Variants in NCKAP5 observed in about 807,000 individuals in gnomAD.
The protein encoded by NCKAP5 is nck-associated protein 5.
Under a neutral mutation model 167.0 loss-of-function variants are expected in NCKAP5, and 92 were observed. That is an observed-to-expected ratio of 0.55 (90% CI 0.47 to 0.66). NCKAP5 has a LOEUF of 0.66. Among genes scored for constraint, NCKAP5 ranks in the 30% least tolerant of loss-of-function variants. The pLI is 0.00. For missense variants in NCKAP5, 2,378 were observed against 2,315.0 expected (o/e 1.03, Z -0.56); for synonymous variants, 891 against 877.4 (o/e 1.02, Z -0.27).
At chr2:133,124,650 AT>A (rs1335542013) in intron 6 of NCKAP5, among the ~76,000 whole-genome samples, 21 of 152,330 alleles carry the variant, frequency 1.4e-4, no homozygotes, top group African/African-American at 4.8e-4. Flanking sequence ...TTGTTCATAT[AT>A]GTACGTAAGA....
rs113363522 is a variant in NCKAP5 at position 133,289,685 on chromosome 2, C to T, written c.143+13352G>A. ...CAGCCTGGGCAACAGAACAAGAGTC[C>T]GTCTCCAAAAAAAATAAAAACAAAC... On this transcript the variant is annotated intron_variant, in intron 4 of 19. Coordinates refer to ENST00000409261, the MANE Select transcript of NCKAP5 (RefSeq NM_207363.3). Among the ~76,000 whole-genome samples the T allele has an allele frequency of 5.2e-3, 781 of 151,058 alleles. 8 individuals are homozygous for T. Among genetic ancestry groups the T allele is most frequent in the African/African-American group, 0.017 (712 of 41,132 alleles).
chr2:132,703,145 C>T (rs1343191808), intron 19 of NCKAP5, among the ~76,000 whole-genome samples: 5 of 152,114 alleles, frequency 3.3e-5, no homozygotes, highest in African/African-American at 1.2e-4. Context: ...CATACTAGTA[C>T]ACTCTAGCCT....
chr2:133,383,788 T>A (rs1686711030), intron 3 of NCKAP5, among the ~76,000 whole-genome samples: 1 of 152,180 alleles, frequency 6.6e-6, no homozygotes, highest in African/African-American at 2.4e-5. Flanking sequence ...CTCATTGTGG[T>A]TTTGATTTGC....
the NCKAP5 span, among the ~76,000 whole-genome samples, chr2:133,608,674 A>T: frequency 6.2e-4 from 95 of 152,318 alleles, 2 homozygotes; most frequent in East Asian, 0.016. Flanking sequence ...AGCCTCAATA[A>T]TCAATAATAG....
At chr2:133,055,939 A>G in intron 6 of NCKAP5, among the ~76,000 whole-genome samples, 1 of 152,178 alleles carries the variant, frequency 6.6e-6, no homozygotes, top group East Asian at 1.9e-4. Flanking sequence ...GGGAACAATA[A>G]ATGCTTTCTT....
intron 6 of NCKAP5, among the ~76,000 whole-genome samples, chr2:133,074,791 C>G (rs773971226): frequency 1.5e-4 from 23 of 152,008 alleles, no homozygotes; most frequent in Non-Finnish European, 2.2e-4. Context: ...TAGAAATTAC[C>G]AATTTAAACA....
chr2:132,958,284 A>T (rs2076401519), intron 8 of NCKAP5, among the ~76,000 whole-genome samples: 1 of 152,188 alleles, frequency 6.6e-6, no homozygotes, highest in Admixed American at 6.5e-5. Context: ...GTCCAATAAC[A>T]TTAATATGGT....
At chr2:132,918,812 A>G (rs1695086716) in intron 8 of NCKAP5, among the ~76,000 whole-genome samples, 1 of 152,252 alleles carries the variant, frequency 6.6e-6, no homozygotes, top group Non-Finnish European at 1.5e-5. Context: ...AGCCATGAAA[A>G]GAAATTGCTT....
intron 15 of NCKAP5, among the ~76,000 whole-genome samples, chr2:132,775,668 C>T (rs573816179): frequency 6.6e-6 from 1 of 152,298 alleles, no homozygotes; most frequent in Admixed American, 6.5e-5. Context: ...ACTTATTTGC[C>T]TTCCAAGGTT....
intron 2 of NCKAP5, among the ~76,000 whole-genome samples, chr2:133,518,825 A>G (rs1296895329): frequency 6.6e-6 from 1 of 152,208 alleles, no homozygotes; most frequent in Admixed American, 6.5e-5. Context: ...TTACCCACAG[A>G]TTACATTTAA....
intron 19 of NCKAP5, among the ~76,000 whole-genome samples, chr2:132,707,961 G>A (rs1688515175): frequency 1.3e-5 from 2 of 152,044 alleles, no homozygotes; most frequent in South Asian, 4.2e-4. Flanking sequence ...ATACTGAAGG[G>A]AACCCCCTGT....
At chr2:133,239,101 AAATT>A (rs1417413646) in intron 4 of NCKAP5, among the ~76,000 whole-genome samples, 3 of 152,238 alleles carry the variant, frequency 2.0e-5, no homozygotes, top group East Asian at 3.8e-4. Context: ...CTTGCCAATC[AAATT>A]AATTAGCCAA....
chr2:133,146,820 G>T (rs2083214395), intron 5 of NCKAP5, among the ~76,000 whole-genome samples: 1 of 152,040 alleles, frequency 6.6e-6, no homozygotes, highest in African/African-American at 2.4e-5. Flanking sequence ...AAAGAGAAAA[G>T]CCCTCACGTG....
At chr2:133,385,273 T>C (rs1157039040) in intron 3 of NCKAP5, among the ~76,000 whole-genome samples, 1 of 152,240 alleles carries the variant, frequency 6.6e-6, no homozygotes, top group Non-Finnish European at 1.5e-5. Flanking sequence ...TTGAATTTTG[T>C]CAAAGGCCTT....
intron 15 of NCKAP5, among the ~76,000 whole-genome samples, chr2:132,778,594 G>A (rs10496694): frequency 0.06 from 9,085 of 152,212 alleles, 360 homozygotes; most frequent in Non-Finnish European, 0.086. Context: ...TTTAGAAAAA[G>A]AGTGTGATAC....
At chr2:133,027,526 G>A (rs2078739457) in intron 6 of NCKAP5, among the ~76,000 whole-genome samples, 1 of 152,172 alleles carries the variant, frequency 6.6e-6, no homozygotes, top group South Asian at 2.1e-4. Flanking sequence ...GTAAGTGGTA[G>A]AGCTGGAATA....
At chr2:132,717,472 A>C (rs2105363542) in intron 19 of NCKAP5, among the ~76,000 whole-genome samples, 1 of 152,292 alleles carries the variant, frequency 6.6e-6, no homozygotes, top group African/African-American at 2.4e-5. Context: ...CTTTGTGTGA[A>C]TTTTCTATAA....
At chr2:133,552,632 T>G (rs1277564285) in intron 2 of NCKAP5, among the ~76,000 whole-genome samples, 2 of 137,926 alleles carry the variant, frequency 1.5e-5, no homozygotes, top group Non-Finnish European at 3.1e-5. Context: ...CATTGGGAGA[T>G]ATACCTAATG....
At chr2:133,425,700 A>C (rs1689750511) in intron 3 of NCKAP5, among the ~76,000 whole-genome samples, 1 of 152,212 alleles carries the variant, frequency 6.6e-6, no homozygotes, top group Admixed American at 6.5e-5. Context: ...GGAAATACAA[A>C]AAGAGTCTGA....
Sources: gnomAD v4.1 joint callset for allele counts (sites outside exome capture counted in the v4.1 genomes callset) on GRCh38, gnomAD v4.1.1 for gene constraint, MANE v1.5 for transcripts, NCBI Gene and HGNC (gene_info 2026-07-23, HGNC 2026-07-21) for gene names.